Variants in IGSF11 observed in about 807,000 individuals in gnomAD.
IGSF11 encodes the protein CXADR like 1.
In IGSF11, 22 loss-of-function variants were observed where a neutral mutation model predicts 41.0. That is an observed-to-expected ratio of 0.54 (90% CI 0.38 to 0.77). The LOEUF is 0.77. Ranked by LOEUF, IGSF11 falls within the 30% of genes least tolerant of loss-of-function variation. The probability of loss-of-function intolerance (pLI) is 0.00; values close to 1 mark genes in which losing one functional copy is unlikely to be tolerated. For missense variants in IGSF11, 444 were observed against 530.8 expected (o/e 0.84, Z 1.61); for synonymous variants, 219 against 201.3 (o/e 1.09, Z -0.74).
intron 1 of IGSF11, among the ~76,000 whole-genome samples, chr3:119,093,509 G>A (rs559997738): frequency 2.6e-5 from 4 of 152,058 alleles, no homozygotes; most frequent in South Asian, 2.1e-4. Flanking sequence ...ATTTTAGGAC[G>A]ACAAATCTTT....
intron 1 of IGSF11, among the ~76,000 whole-genome samples, chr3:119,018,389 T>C (rs926470795): frequency 6.6e-6 from 1 of 152,224 alleles, no homozygotes; most frequent in African/African-American, 2.4e-5. Flanking sequence ...ATAACTCCTA[T>C]AAATGTTTCC....
intron 1 of IGSF11, among the ~76,000 whole-genome samples, chr3:119,133,017 A>G (rs1327786446): frequency 6.6e-6 from 1 of 152,230 alleles, no homozygotes; most frequent in Non-Finnish European, 1.5e-5. Flanking sequence ...TTTGAAACCA[A>G]TGAGAACAAC....
chr3:119,123,378 G>A lies in IGSF11; in HGVS notation c.-13-18173C>T, dbSNP rs562854770. Among the ~76,000 whole-genome samples the A allele has an allele frequency of 4.8e-4, 73 of 152,298 alleles. 1 individual carries two copies. In the South Asian group the frequency reaches 0.015, roughly 31 times the overall value. ...CTAAGGTTTTTTACTCCAGTCCCTG[G>A]TTCCTGGACAACATCTCTGGACCCA... On this transcript the variant is annotated intron_variant, in intron 1 of 7. Coordinates refer to the IGSF11 transcript ENST00000425327.
At chr3:119,095,290 T>C (rs1313283482) in intron 1 of IGSF11, among the ~76,000 whole-genome samples, 1 of 152,108 alleles carries the variant, frequency 6.6e-6, no homozygotes, top group Non-Finnish European at 1.5e-5. Flanking sequence ...ATATACACAA[T>C]ATTTCCAAGA....
intron 1 of IGSF11, chr3:119,105,015 G>A: frequency 1.8e-6 from 1 of 570,682 alleles, no homozygotes; most frequent in Non-Finnish European, 3.1e-6. Flanking sequence ...CTTAGAAATG[G>A]AAGATTTTTT....
At chr3:118,924,133 GA>G (rs1942083436) in intron 4 of IGSF11, among the ~76,000 whole-genome samples, 1 of 151,972 alleles carries the variant, frequency 6.6e-6, no homozygotes, top group Non-Finnish European at 1.5e-5. Flanking sequence ...TATCAGTAGG[GA>G]TTTGGTGATT....
At chr3:119,090,452 G>A (rs781444293) in intron 1 of IGSF11, among the ~76,000 whole-genome samples, 1 of 152,152 alleles carries the variant, frequency 6.6e-6, no homozygotes, top group South Asian at 2.1e-4. Context: ...AAAGAACAAA[G>A]TTAAGGCATC....
chr3:118,922,205 A>C (rs1299546851), intron 4 of IGSF11, among the ~76,000 whole-genome samples: 1 of 152,158 alleles, frequency 6.6e-6, no homozygotes, highest in African/African-American at 2.4e-5. Context: ...ATTTATTGAA[A>C]TTTGGTCCCA....
intron 1 of IGSF11, among the ~76,000 whole-genome samples, chr3:118,996,414 C>T (rs1319987810): frequency 2.6e-5 from 4 of 152,284 alleles, no homozygotes; most frequent in East Asian, 1.9e-4. Context: ...ACTGCTACCA[C>T]GCTACTTCCA....
intron 1 of IGSF11, among the ~76,000 whole-genome samples, chr3:118,988,735 T>TA (rs1218338733): frequency 8.6e-5 from 13 of 151,614 alleles, no homozygotes; most frequent in South Asian, 4.2e-4. Context: ...ACTATTTGCT[T>TA]AAAAAAAAAC....
intron 1 of IGSF11, among the ~76,000 whole-genome samples, chr3:118,993,420 A>G (rs1935972236): frequency 6.6e-6 from 1 of 152,250 alleles, no homozygotes; most frequent in African/African-American, 2.4e-5. Context: ...TGGAGAATGT[A>G]AAAGAGTGCA....
intron 6 of IGSF11, among the ~76,000 whole-genome samples, chr3:118,904,021 G>A (rs1413025234): frequency 6.6e-6 from 1 of 152,132 alleles, no homozygotes; most frequent in African/African-American, 2.4e-5. Flanking sequence ...AAGATACGCA[G>A]GCAAGAATCA....
chr3:118,968,823 AT>A (rs1442081658), intron 1 of IGSF11, among the ~76,000 whole-genome samples: 6 of 152,254 alleles, frequency 3.9e-5, no homozygotes, highest in Non-Finnish European at 8.8e-5. Context: ...GTTTCTAAAA[AT>A]AGGCAAGTCA....
chr3:119,116,620 G>A (rs908200386), intron 1 of IGSF11, among the ~76,000 whole-genome samples: 1 of 152,054 alleles, frequency 6.6e-6, no homozygotes, highest in Non-Finnish European at 1.5e-5. Flanking sequence ...AATAGACATT[G>A]CCCAAAACTC....
chr3:119,049,091 A>G (rs1245247057), intron 1 of IGSF11, among the ~76,000 whole-genome samples: 1 of 151,742 alleles, frequency 6.6e-6, no homozygotes. Context: ...CTGGCACAAG[A>G]CAGGGATGCC....
At chr3:118,911,294 A>T (rs1002976300) in intron 4 of IGSF11, among the ~76,000 whole-genome samples, 4 of 152,290 alleles carry the variant, frequency 2.6e-5, no homozygotes, top group Non-Finnish European at 4.4e-5. Context: ...AGTTAGAATA[A>T]CATCTTGATG....
chr3:118,943,789 G>A (rs1461299828), intron 1 of IGSF11, among the ~76,000 whole-genome samples: 1 of 152,178 alleles, frequency 6.6e-6, no homozygotes, highest in Non-Finnish European at 1.5e-5. Context: ...GATGGCAAGA[G>A]GCCAGATAAA....
At chr3:118,954,986 A>T (rs1944843740) in intron 1 of IGSF11, among the ~76,000 whole-genome samples, 1 of 152,188 alleles carries the variant, frequency 6.6e-6, no homozygotes, top group Non-Finnish European at 1.5e-5. Flanking sequence ...TATGGAAAAC[A>T]GTGTGGAGAT....
At chr3:118,930,764 C>T (rs1018515453) in intron 1 of IGSF11, among the ~76,000 whole-genome samples, 7 of 152,280 alleles carry the variant, frequency 4.6e-5, no homozygotes, top group East Asian at 1.9e-4. Context: ...AGATATGTAA[C>T]GTTCATGAAC....
Sources: gnomAD v4.1 joint callset for allele counts (sites outside exome capture counted in the v4.1 genomes callset) on GRCh38, gnomAD v4.1.1 for gene constraint, MANE v1.5 for transcripts, NCBI Gene and HGNC (gene_info 2026-07-23, HGNC 2026-07-21) for gene names.